The following PITPNM2 variants were observed in gnomAD, a reference collection of about 807,000 sequenced individuals.
The protein encoded by PITPNM2 is phosphatidylinositol transfer protein membrane associated 2.
Under a neutral mutation model 132.2 loss-of-function variants are expected in PITPNM2, and 35 were observed. The observed-to-expected ratio is 0.26, with a 90% CI of 0.20 to 0.35. The LOEUF is 0.35. Ranked by LOEUF, PITPNM2 falls within the 10% of genes least tolerant of loss-of-function variation. The probability of loss-of-function intolerance (pLI) is 1.00; values close to 1 mark genes in which losing one functional copy is unlikely to be tolerated. For missense variants in PITPNM2, 1,332 were observed against 1,912.0 expected (o/e 0.70, Z 5.66); for synonymous variants, 738 against 799.2 (o/e 0.92, Z 1.29).
rs1401321606 is a variant in PITPNM2, at chr12:122,995,540, G to A, written c.1903C>T (p.Leu635=). ...CGGCTCAGGTGCCGACTGCTCTCCA[G>A]GCTGGAGCCACCACTACTGCCACCA... ...GGGGSSGGSS[L]ESSRHLSRSN... is the part of the protein sequence containing the mutation. The change falls in exon 14 of 26, where the codon CTG becomes TTG. Residue 635 remains leucine, a synonymous_variant. Transcript: ENST00000320201. The A allele has an allele frequency of 6.2e-7, 1 of 1,611,014 alleles. No individual in the cohort carries two copies. Among genetic ancestry groups the A allele is most frequent in the Non-Finnish European group, 8.5e-7 (1 of 1,179,958 alleles).
At chr12:123,034,369 G>A (rs1353472168) in intron 3 of PITPNM2, 144 bp downstream of exon 3, 2 of 741,552 alleles carry the variant, frequency 2.7e-6, no homozygotes, top group African/African-American at 3.5e-5. Context: ...GAGGCCAGGG[G>A]TCCAGCACAA....
chr12:123,046,344 T>C (rs985577059), intron 2 of PITPNM2, among the ~76,000 whole-genome samples: 2 of 152,174 alleles, frequency 1.3e-5, no homozygotes, highest in Non-Finnish European at 2.9e-5. Flanking sequence ...ATCTGGCCCA[T>C]GGTTTTACAC....
chr12:122,988,137 G>T, intron 20 of PITPNM2, 97 bp downstream of exon 20: 1 of 1,102,172 alleles, frequency 9.1e-7, no homozygotes, highest in Non-Finnish European at 1.4e-6. Flanking sequence ...AGGTACATAA[G>T]ACTGCAGGCT....
At chr12:123,001,679 T>G (rs558421584) in intron 8 of PITPNM2, among the ~76,000 whole-genome samples, 1 of 152,372 alleles carries the variant, frequency 6.6e-6, no homozygotes, top group East Asian at 1.9e-4. Flanking sequence ...GTCCATTGCA[T>G]GGACACACCC....
chr12:123,085,739 G>A (rs2042093746), intron 2 of PITPNM2, among the ~76,000 whole-genome samples: 1 of 152,174 alleles, frequency 6.6e-6, no homozygotes, highest in Non-Finnish European at 1.5e-5. Flanking sequence ...GCAACTTGAA[G>A]ATACAGGATG....
intron 2 of PITPNM2, among the ~76,000 whole-genome samples, chr12:123,100,641 AT>A (rs2042542447): frequency 1.3e-5 from 2 of 152,096 alleles, no homozygotes; most frequent in African/African-American, 4.8e-5. Flanking sequence ...AAAAAAAAAA[AT>A]CATGCAGCAC....
At chr12:123,124,111 C>T (rs933888940) in intron 1 of PITPNM2, among the ~76,000 whole-genome samples, 1 of 151,858 alleles carries the variant, frequency 6.6e-6, no homozygotes, top group Admixed American at 6.6e-5. Flanking sequence ...AAAAAATTAG[C>T]CTGGCGTGGT....
intron 18 of PITPNM2, 35 bp downstream of exon 18, chr12:122,989,752 G>T: frequency 2.9e-6 from 4 of 1,356,078 alleles, no homozygotes; most frequent in Non-Finnish European, 3.8e-6. Context: ...GCAGCAGAGT[G>T]ACCCCCAGTG....
In PITPNM2 at chr12:123,150,376, A is replaced by G. The variant is rs920377011; in HGVS notation, c.-200+377T>C. On this transcript the variant is annotated intron_variant, in intron 1 of 25. Transcript: ENST00000320201. The surrounding 1 kb of genome is among the most constrained non-coding windows in gnomAD (Gnocchi z 6.0). Reference sequence around the variant, plus strand: ...GGGCTCACCTCCGCTTCCTCCCGATAGCCCCTTCCTCGCCCTGGCACCGGC... The same window carrying G: ...GGGCTCACCTCCGCTTCCTCCCGATGGCCCCTTCCTCGCCCTGGCACCGGC... Among the ~76,000 whole-genome samples, 2 of 151,804 alleles carry G rather than the reference A, an allele frequency of 1.3e-5. No homozygotes were observed. The highest frequency in any genetic ancestry group is 4.8e-5 in the African/African-American group (2 of 41,318).
At chr12:123,068,263 C>G (rs371109565) in intron 2 of PITPNM2, among the ~76,000 whole-genome samples, 5 of 151,948 alleles carry the variant, frequency 3.3e-5, no homozygotes, top group South Asian at 2.1e-4. Flanking sequence ...GTCAGGAGAT[C>G]GAGAACATCC....
intron 3 of PITPNM2, among the ~76,000 whole-genome samples, chr12:123,017,190 G>A (rs1395681874): frequency 6.6e-6 from 1 of 152,040 alleles, no homozygotes; most frequent in Non-Finnish European, 1.5e-5. Context: ...GGCCAACATG[G>A]TGAAACACCG....
upstream of PITPNM2, among the ~76,000 whole-genome samples, chr12:123,151,820 A>G (rs1375288246): frequency 1.3e-5 from 2 of 152,182 alleles, no homozygotes; most frequent in Non-Finnish European, 2.9e-5. Flanking sequence ...CATGGAACTA[A>G]AGAGAGCACA....
At position 122,985,938 on chromosome 12, in the gene PITPNM2, G is replaced by A; in HGVS notation, c.*89C>T. The A allele has an allele frequency of 3.3e-6, 4 of 1,204,442 alleles. No homozygotes were observed. The highest frequency in any genetic ancestry group is 2.0e-5 in the South Asian group (1 of 49,956). The allele number at this position is 1,204,442 out of a possible 1,614,324, so 74.6% of individuals were successfully genotyped here. On this transcript the variant is annotated 3_prime_UTR_variant, in exon 26 of 26. Coordinates refer to ENST00000320201, the MANE Select transcript of PITPNM2 (RefSeq NM_020845.3). ...CCCTGGGACAATCTCCCAGGCCCAC[G>A]TCAGTGCGTGTGCCCAGGCCAGGCC...
At chr12:122,991,398 C>T (rs1011040874) in intron 16 of PITPNM2, among the ~76,000 whole-genome samples, 1 of 152,326 alleles carries the variant, frequency 6.6e-6, no homozygotes, top group South Asian at 2.1e-4. Flanking sequence ...TCCAACCCCT[C>T]GCTGGGACCA....
chr12:123,065,980 C>T (rs867206027), intron 2 of PITPNM2, among the ~76,000 whole-genome samples: 5 of 152,246 alleles, frequency 3.3e-5, no homozygotes, highest in Admixed American at 6.5e-5. Flanking sequence ...GGGGCAGAGA[C>T]TCACCCAAGG....
rs1163587142 is a variant in PITPNM2, at chr12:123,017,984, T to TTTCCTTCCTTCCTTCCTTCC, written c.79-3962_79-3943dup. On this transcript the variant is annotated intron_variant, in intron 3 of 25. Coordinates refer to ENST00000320201, the MANE Select transcript of PITPNM2 (RefSeq NM_020845.3). ...TTTTCTTTCTTCCCTTTCTCTCACTTTTCCTTCCTTCCTTCCTTCCTTCCT... is the reference window on the plus strand; with the variant it reads ...TTTTCTTTCTTCCCTTTCTCTCACTTTTCCTTCCTTCCTTCCTTCCTTCCTTCCTTCCTTCCTTCCTTCCT... Among the ~76,000 whole-genome samples, 68 of 90,374 alleles carry TTTCCTTCCTTCCTTCCTTCC rather than the reference T, an allele frequency of 7.5e-4. 1 individual carries two copies. Among genetic ancestry groups the TTTCCTTCCTTCCTTCCTTCC allele is most frequent in the Admixed American group, 1.5e-3 (12 of 8,208 alleles). The allele number at this position is 90,374 out of a possible 152,430, so 59.3% of individuals were successfully genotyped here.
chr12:123,103,721 T>C (rs1290996519), intron 2 of PITPNM2, among the ~76,000 whole-genome samples: 1 of 152,194 alleles, frequency 6.6e-6, no homozygotes, highest in Non-Finnish European at 1.5e-5. Context: ...CAGCTTGCCA[T>C]GGGACTTTGG....
chr12:123,130,285 G>A (rs79665790), intron 1 of PITPNM2, among the ~76,000 whole-genome samples: 6,366 of 152,164 alleles, frequency 0.042, 174 homozygotes, highest in East Asian at 0.14. Flanking sequence ...TGTGTGGGAC[G>A]GAAGGGCACA....
intron 2 of PITPNM2, among the ~76,000 whole-genome samples, chr12:123,063,492 G>A (rs998689910): frequency 6.6e-6 from 1 of 152,200 alleles, no homozygotes; most frequent in Non-Finnish European, 1.5e-5. Context: ...TTGCTTAAAT[G>A]CATAATATTT....
Sources: gnomAD v4.1 joint callset for allele counts (sites outside exome capture counted in the v4.1 genomes callset) on GRCh38, gnomAD v4.1.1 for gene constraint, Gnocchi (gnomAD v3.1) non-coding constraint, MANE v1.5 for transcripts, NCBI Gene and HGNC (gene_info 2026-07-23, HGNC 2026-07-21) for gene names.